The following SUPT3H variants were observed in gnomAD, a reference collection of about 807,000 sequenced individuals.
The protein encoded by SUPT3H is SPT3 homolog, SAGA and STAGA complex component.
Under a neutral mutation model 44.3 loss-of-function variants are expected in SUPT3H, and 44 were observed. The ratio of observed to expected loss-of-function variants is 0.99; its 90% CI spans 0.78 to 1.28. SUPT3H has a LOEUF of 1.28. Among genes scored for constraint, SUPT3H ranks in the 50% most tolerant of loss-of-function variants. The probability of loss-of-function intolerance (pLI) is 0.00; values close to 1 mark genes in which losing one functional copy is unlikely to be tolerated. For synonymous variants in SUPT3H, 124 were observed against 125.6 expected, an observed-to-expected ratio of 0.99 and a Z score of 0.09; for missense variants, 380 against 387.1, an observed-to-expected ratio of 0.98 and a Z score of 0.15.
chr6:45,318,120 C>A (rs1038492502), intron 2 of SUPT3H, among the ~76,000 whole-genome samples: 3 of 151,758 alleles, frequency 2.0e-5, no homozygotes. Context: ...CTGGAAAAGG[C>A]AATACTATAG....
chr6:44,901,781 G>C (rs539521659), intron 10 of SUPT3H, among the ~76,000 whole-genome samples: 12 of 151,906 alleles, frequency 7.9e-5, no homozygotes, highest in Admixed American at 5.9e-4. Flanking sequence ...GAGAAAGGTC[G>C]GGTTACCCAC....
intron 3 of SUPT3H, among the ~76,000 whole-genome samples, chr6:45,036,779 G>A (rs775024662): frequency 1.3e-5 from 2 of 152,248 alleles, no homozygotes; most frequent in African/African-American, 2.4e-5. Context: ...TAGAGGATGT[G>A]TTCCAGCAAA....
chr6:45,282,278 T>A (rs1778270189), intron 2 of SUPT3H, among the ~76,000 whole-genome samples: 1 of 151,722 alleles, frequency 6.6e-6, no homozygotes, highest in Non-Finnish European at 1.5e-5. Flanking sequence ...TTTCAGACAA[T>A]CAAACTAATC....
intron 10 of SUPT3H, among the ~76,000 whole-genome samples, chr6:44,908,531 T>A (rs1429663411): frequency 6.6e-6 from 1 of 152,144 alleles, no homozygotes; most frequent in Non-Finnish European, 1.5e-5. Context: ...CATGAATTCA[T>A]GGAACTTGCC....
chr6:44,910,471 T>C (rs1283069498), intron 10 of SUPT3H, among the ~76,000 whole-genome samples: 1 of 152,122 alleles, frequency 6.6e-6, no homozygotes, highest in Middle Eastern at 3.2e-3. Flanking sequence ...CTTACTTACT[T>C]CATGGGATTT....
intron 3 of SUPT3H, among the ~76,000 whole-genome samples, chr6:45,081,549 A>T (rs1299373878): frequency 2.0e-5 from 3 of 152,126 alleles, no homozygotes; most frequent in Non-Finnish European, 4.4e-5. Context: ...TTATATCCCC[A>T]GTACCTAAAA....
chr6:44,954,161 C>G (rs1425517690), intron 8 of SUPT3H, among the ~76,000 whole-genome samples: 1 of 152,206 alleles, frequency 6.6e-6, no homozygotes, highest in Non-Finnish European at 1.5e-5. Flanking sequence ...CTCCTAAATT[C>G]TCACATACGT....
intron 2 of SUPT3H, among the ~76,000 whole-genome samples, chr6:45,119,176 C>A (rs77629776): frequency 0.042 from 6,436 of 152,054 alleles, 175 homozygotes; most frequent in Admixed American, 0.078. Context: ...ATAACAAATC[C>A]CACTCCTAGA....
Position 45,356,228 on chromosome 6 carries a change from A to T in SUPT3H, c.101+8973T>A, listed in dbSNP as rs552629903. 1.1e-4 allele frequency among the ~76,000 whole-genome samples: 17 copies of T among 152,196 alleles called. No homozygotes were observed. The South Asian group carries it at 1.9e-3, about 17-fold the overall frequency. On this transcript the variant is annotated intron_variant, in intron 2 of 10. Coordinates refer to ENST00000371459, the MANE Select transcript of SUPT3H (RefSeq NM_003599.4). ...GTATTTCACAGCTAAGGTTTTTTTT[A>T]AAATCTACATAGGTGTCCAAAAAAG...
intron 2 of SUPT3H, among the ~76,000 whole-genome samples, chr6:45,351,428 G>A (rs961541292): frequency 6.6e-6 from 1 of 152,102 alleles, no homozygotes; most frequent in Admixed American, 6.6e-5. Context: ...GTGAGGAAGA[G>A]AGAAAAATAA....
rs1213038253 is a variant in SUPT3H at position 45,003,795 on chromosome 6, T to G, written c.365-3A>C. The G allele has an allele frequency of 6.2e-7, 1 of 1,613,384 alleles. No individual in the cohort carries two copies. The highest frequency in any genetic ancestry group is 8.5e-7 in the Non-Finnish European group (1 of 1,179,674). On this transcript the variant is annotated splice_region_variant and splice_polypyrimidine_tract_variant and intron_variant, in intron 5 of 10. Coordinates refer to ENST00000371459, the MANE Select transcript of SUPT3H (RefSeq NM_003599.4). ...ATTATTGCTGCCACTCAATTTGTCT[T>G]CATGAAGTCAAGGGAAAGAAAAAAA...
At chr6:44,936,121 A>C (rs1258090132) in intron 9 of SUPT3H, among the ~76,000 whole-genome samples, 2 of 152,232 alleles carry the variant, frequency 1.3e-5, no homozygotes, top group Admixed American at 1.3e-4. Flanking sequence ...CATTTTGCAG[A>C]CCACAAAAGT....
chr6:45,007,964 T>A (rs140180485), intron 5 of SUPT3H, among the ~76,000 whole-genome samples: 6 of 152,252 alleles, frequency 3.9e-5, no homozygotes, highest in African/African-American at 1.4e-4. Context: ...TTTCTTTCAT[T>A]TAGCTTAATA....
intron 2 of SUPT3H, among the ~76,000 whole-genome samples, chr6:45,233,614 A>G (rs1420314930): frequency 6.6e-6 from 1 of 152,202 alleles, no homozygotes; most frequent in Non-Finnish European, 1.5e-5. Context: ...ATCTCAGCCA[A>G]GTCTCCAATG....
At chr6:44,924,748 C>T (rs1769265757) in intron 10 of SUPT3H, among the ~76,000 whole-genome samples, 1 of 151,774 alleles carries the variant, frequency 6.6e-6, no homozygotes, top group Non-Finnish European at 1.5e-5. Context: ...AATTTTTTTC[C>T]TTAGGATCAG....
At chr6:44,939,299 T>C (rs1476938671) in intron 9 of SUPT3H, among the ~76,000 whole-genome samples, 3 of 151,984 alleles carry the variant, frequency 2.0e-5, no homozygotes, top group Non-Finnish European at 4.4e-5. Flanking sequence ...TTGTATCAAA[T>C]GCTTTTTCTG....
At chr6:45,194,128 T>C (rs943537789) in intron 2 of SUPT3H, among the ~76,000 whole-genome samples, 1 of 152,210 alleles carries the variant, frequency 6.6e-6, no homozygotes, top group African/African-American at 2.4e-5. Context: ...GACATACTTT[T>C]ACAACCAACA....
intron 2 of SUPT3H, among the ~76,000 whole-genome samples, chr6:45,148,679 A>G (rs1324535): frequency 0.87 from 132,833 of 152,158 alleles, 58,261 homozygotes; most frequent in African/African-American, 0.92. Flanking sequence ...CTCACAAGCT[A>G]CAACCTCTTC....
intron 2 of SUPT3H, among the ~76,000 whole-genome samples, chr6:45,275,981 C>A (rs955602385): frequency 9.2e-5 from 14 of 151,888 alleles, no homozygotes; most frequent in African/African-American, 3.4e-4. Context: ...TTTTTCTATT[C>A]CCTTCCAGAG....
Sources: gnomAD v4.1 joint callset for allele counts (sites outside exome capture counted in the v4.1 genomes callset) on GRCh38, gnomAD v4.1.1 for gene constraint, MANE v1.5 for transcripts, NCBI Gene and HGNC (gene_info 2026-07-23, HGNC 2026-07-21) for gene names.